PRDM5: variants seen among roughly 807,000 people sequenced by gnomAD.
The protein encoded by PRDM5 is PR/SET domain 5, also known as PR domain zinc finger protein 5.
A neutral mutation model predicts 81.2 loss-of-function variants in PRDM5; 56 were observed. That is an observed-to-expected ratio of 0.69 (90% CI 0.56 to 0.86). The LOEUF is 0.86. Among genes scored for constraint, PRDM5 ranks in the 40% least tolerant of loss-of-function variants. The pLI is 0.00. For missense variants in PRDM5, 697 were observed against 770.1 expected, an observed-to-expected ratio of 0.91 and a Z score of 1.12; for synonymous variants, 267 against 256.4, an observed-to-expected ratio of 1.04 and a Z score of -0.39.
intron 9 of PRDM5, among the ~76,000 whole-genome samples, chr4:120,798,896 A>G (rs901150196): frequency 2.0e-5 from 3 of 152,232 alleles, no homozygotes; most frequent in Non-Finnish European, 2.9e-5. Context: ...TGCAATATCC[A>G]TATAACATTG....
At chr4:120,759,215 T>C (rs1745242410) in intron 13 of PRDM5, among the ~76,000 whole-genome samples, 1 of 152,250 alleles carries the variant, frequency 6.6e-6, no homozygotes, top group African/African-American at 2.4e-5. Context: ...TCTGGGAAAC[T>C]TGGGTAAGTT....
intron 14 of PRDM5, among the ~76,000 whole-genome samples, chr4:120,729,388 T>G (rs184453622): frequency 2.0e-5 from 3 of 152,262 alleles, no homozygotes; most frequent in Admixed American, 1.3e-4. Flanking sequence ...AATCAAGCAT[T>G]TTTTTAAACC....
intron 3 of PRDM5, among the ~76,000 whole-genome samples, chr4:120,826,662 CTTTA>C (rs558221248): frequency 1.6e-4 from 24 of 152,204 alleles, no homozygotes; most frequent in South Asian, 1.2e-3. Flanking sequence ...TCAGCTTTTC[CTTTA>C]TTTATTTACA....
intron 14 of PRDM5, among the ~76,000 whole-genome samples, chr4:120,729,426 A>G (rs1038345928): frequency 5.9e-5 from 9 of 152,178 alleles, no homozygotes; most frequent in African/African-American, 2.2e-4. Flanking sequence ...TGAAGGCAGC[A>G]TGACTGAGAG....
At chr4:120,846,114 C>T (rs1030372712) in intron 3 of PRDM5, among the ~76,000 whole-genome samples, 1 of 152,106 alleles carries the variant, frequency 6.6e-6, no homozygotes, top group Non-Finnish European at 1.5e-5. Flanking sequence ...TAGTTTCCTT[C>T]GATAGAATCT....
intron 2 of PRDM5, among the ~76,000 whole-genome samples, chr4:120,902,472 C>T (rs118011919): frequency 6.6e-6 from 1 of 152,276 alleles, no homozygotes; most frequent in East Asian, 1.9e-4. Context: ...GGAAATGTAT[C>T]TCAAGCTCCA....
chr4:120,916,457 TAACA>T (rs1342298408), intron 1 of PRDM5, among the ~76,000 whole-genome samples: 1 of 152,078 alleles, frequency 6.6e-6, no homozygotes, highest in Non-Finnish European at 1.5e-5. Flanking sequence ...TAGAGGTACA[TAACA>T]AAGACAATTT....
intron 15 of PRDM5, among the ~76,000 whole-genome samples, chr4:120,703,688 T>C (rs761187738): frequency 9.2e-5 from 14 of 152,152 alleles, no homozygotes; most frequent in Non-Finnish European, 1.9e-4. Flanking sequence ...TGCTTTTAAG[T>C]AGATATTAGT....
At chr4:120,815,059 C>A (rs1363470464) in intron 7 of PRDM5, among the ~76,000 whole-genome samples, 2 of 152,190 alleles carry the variant, frequency 1.3e-5, no homozygotes, top group Non-Finnish European at 2.9e-5. Flanking sequence ...GAATGCAAGT[C>A]TCCAGAGTTT....
chr4:120,719,689 G>A (rs1327756505), intron 14 of PRDM5, among the ~76,000 whole-genome samples: 1 of 152,008 alleles, frequency 6.6e-6, no homozygotes, highest in African/African-American at 2.4e-5. Context: ...TTATGGCTAG[G>A]GTAGTGAGGA....
chr4:120,743,082 C>T lies in PRDM5; in HGVS notation c.1623+11471G>A, dbSNP rs570611203. ...CCCATCAGACTAATAGCGGATCTCT[C>T]GGCAGAAACCCTACAAGCCAGAAGA... On this transcript the variant is annotated intron_variant, in intron 14 of 15. Transcript: ENST00000264808. Among the ~76,000 whole-genome samples, 28 of 151,966 alleles carry T rather than the reference C, an allele frequency of 1.8e-4. No individual in the cohort carries two copies. In the South Asian group the frequency reaches 2.7e-3, roughly 15 times the overall value.
intron 2 of PRDM5, among the ~76,000 whole-genome samples, chr4:120,892,020 T>C (rs1041620036): frequency 2.6e-5 from 4 of 152,208 alleles, no homozygotes; most frequent in African/African-American, 9.6e-5. Context: ...TTCGTTCACA[T>C]TAGTTTCAAA....
intron 15 of PRDM5, among the ~76,000 whole-genome samples, chr4:120,703,785 C>T (rs1190684140): frequency 6.6e-6 from 1 of 152,078 alleles, no homozygotes; most frequent in Non-Finnish European, 1.5e-5. Flanking sequence ...GGTGGTGTTT[C>T]CAGAATTTAA....
At chr4:120,891,165 C>G (rs1764002549) in intron 2 of PRDM5, among the ~76,000 whole-genome samples, 1 of 152,110 alleles carries the variant, frequency 6.6e-6, no homozygotes. Flanking sequence ...TGGTCTCGGG[C>G]TTTTTCTGGT....
chr4:120,776,737 A>G (rs1200365655), intron 13 of PRDM5, among the ~76,000 whole-genome samples: 1 of 152,170 alleles, frequency 6.6e-6, no homozygotes, highest in Admixed American at 6.6e-5. Context: ...AACCTGTGGC[A>G]TAACAGATAT....
rs943919514 is a variant in PRDM5, at chr4:120,861,737, G to A, written c.178-8197C>T. Among the ~76,000 whole-genome samples, 4 of 151,680 alleles carry A rather than the reference G, an allele frequency of 2.6e-5. No homozygotes were observed. The South Asian group carries it at 8.3e-4, about 32-fold the overall frequency. On this transcript the variant is annotated intron_variant, in intron 2 of 15. Coordinates refer to ENST00000264808, the MANE Select transcript of PRDM5 (RefSeq NM_018699.4). ...CACTTGAACCAGGGAGGTGAAAGCT[G>A]CAGCGAGCCAAGATCGTGCCACTGC...
chr4:120,912,497 A>T (rs938350878), intron 1 of PRDM5, among the ~76,000 whole-genome samples: 3 of 152,200 alleles, frequency 2.0e-5, no homozygotes, highest in Admixed American at 2.0e-4. Flanking sequence ...CTGTTATTAA[A>T]AAGGGGGAGG....
chr4:120,716,262 CTACAAG>C (rs1379742553), intron 14 of PRDM5, among the ~76,000 whole-genome samples: 2 of 152,136 alleles, frequency 1.3e-5, no homozygotes, highest in African/African-American at 2.4e-5. Flanking sequence ...TCACAATATA[CTACAAG>C]TACAACAACC....
At chr4:120,720,100 T>C (rs187601883) in intron 14 of PRDM5, among the ~76,000 whole-genome samples, 2 of 152,306 alleles carry the variant, frequency 1.3e-5, no homozygotes, top group East Asian at 1.9e-4. Flanking sequence ...AACCCCAGCA[T>C]AGCCAAGCTG....
Sources: allele counts gnomAD v4.1 joint callset (sites outside exome capture counted in the v4.1 genomes callset), GRCh38; gene constraint gnomAD v4.1.1; transcripts MANE v1.5; gene names NCBI Gene and HGNC (gene_info 2026-07-23, HGNC 2026-07-21).